Variants in ARHGAP26 observed in about 807,000 individuals in gnomAD.
The protein encoded by ARHGAP26 is Rho GTPase activating protein 26.
Under a neutral mutation model 104.8 loss-of-function variants are expected in ARHGAP26, and 38 were observed. The ratio of observed to expected loss-of-function variants is 0.36; its 90% CI spans 0.28 to 0.48. The LOEUF is 0.48. ARHGAP26 is among the 20% of genes least tolerant of loss of function. The pLI is 0.99. For missense variants in ARHGAP26, 704 were observed against 947.9 expected (o/e 0.74, Z 3.38); for synonymous variants, 341 against 340.0 (o/e 1.00, Z -0.03).
At chr5:143,155,321 G>A (rs1443465254) in intron 20 of ARHGAP26, among the ~76,000 whole-genome samples, 2 of 152,052 alleles carry the variant, frequency 1.3e-5, no homozygotes, top group Admixed American at 6.6e-5. Flanking sequence ...ACTAGGCCAC[G>A]TTTCCTTGAC....
At chr5:143,117,392 A>G (rs566610866) in intron 17 of ARHGAP26, among the ~76,000 whole-genome samples, 1 of 152,196 alleles carries the variant, frequency 6.6e-6, no homozygotes, top group Admixed American at 6.5e-5. Context: ...TCCGGGATAC[A>G]TAGAGATCTC....
chr5:143,194,507 T>C (rs958899950), intron 20 of ARHGAP26, among the ~76,000 whole-genome samples: 2 of 152,214 alleles, frequency 1.3e-5, no homozygotes, highest in African/African-American at 4.8e-5. Context: ...TGAAACCTTT[T>C]TGCACTATAA....
rs1456454903 is a variant in ARHGAP26 at position 143,227,994 on chromosome 5, T to C, written c.*5548T>C. On this transcript the variant is annotated 3_prime_UTR_variant, in exon 23 of 23. Transcript: ENST00000645722. ...GGCTTAGCATAGACCTAGACCCTTG[T>C]GTGGGTATGACATGACATGACATGT... The C allele has an allele frequency of 4.5e-6, 1 of 220,902 alleles. No individual in the cohort carries two copies. The highest frequency in any genetic ancestry group is 9.1e-6 in the Non-Finnish European group (1 of 110,390). The allele number at this position is 220,902 out of a possible 1,614,324, so 13.7% of individuals were successfully genotyped here.
chr5:142,771,372 A>G, intron 1 of ARHGAP26: 1 of 1,232,162 alleles, frequency 8.1e-7, no homozygotes, highest in Non-Finnish European at 1.0e-6. Flanking sequence ...CCCCTTGGGA[A>G]AAGGTGGGTT....
intron 1 of ARHGAP26, among the ~76,000 whole-genome samples, chr5:142,801,859 C>T (rs1261988993): frequency 5.3e-5 from 8 of 152,148 alleles, no homozygotes; most frequent in East Asian, 3.8e-4. Context: ...ACTTTAAATC[C>T]GTGCTGTTGA....
chr5:142,793,851 G>T (rs1473269307), intron 1 of ARHGAP26, among the ~76,000 whole-genome samples: 1 of 152,188 alleles, frequency 6.6e-6, no homozygotes, highest in Non-Finnish European at 1.5e-5. Flanking sequence ...ACCTCTCAGT[G>T]TTGGGATTAC....
intron 1 of ARHGAP26, among the ~76,000 whole-genome samples, chr5:142,817,407 G>A (rs1286983109): frequency 6.6e-6 from 1 of 152,190 alleles, no homozygotes; most frequent in African/African-American, 2.4e-5. Context: ...GGTAAGAGGA[G>A]GAAAAGTGAG....
At chr5:142,940,441 T>C (rs1376995574) in intron 11 of ARHGAP26, among the ~76,000 whole-genome samples, 1 of 152,186 alleles carries the variant, frequency 6.6e-6, no homozygotes, top group Non-Finnish European at 1.5e-5. Flanking sequence ...TAGTACCCAA[T>C]AATTACTTTT....
chr5:142,836,339 A>G (rs1284934767), intron 1 of ARHGAP26, among the ~76,000 whole-genome samples: 2 of 152,214 alleles, frequency 1.3e-5, no homozygotes. Context: ...TGAACCAGTC[A>G]TATAAATCAT....
At chr5:142,851,422 A>G (rs1369661641) in intron 1 of ARHGAP26, among the ~76,000 whole-genome samples, 1 of 152,224 alleles carries the variant, frequency 6.6e-6, no homozygotes, top group African/African-American at 2.4e-5. Flanking sequence ...GACATTAGCT[A>G]AGATAACATC....
At chr5:142,910,405 G>T (rs10051655) in intron 9 of ARHGAP26, among the ~76,000 whole-genome samples, 1 of 152,144 alleles carries the variant, frequency 6.6e-6, no homozygotes, top group Non-Finnish European at 1.5e-5. Flanking sequence ...TCTCGATTGT[G>T]TAGAGGAATC....
intron 1 of ARHGAP26, among the ~76,000 whole-genome samples, chr5:142,779,616 G>A (rs894199867): frequency 1.3e-5 from 2 of 152,202 alleles, no homozygotes; most frequent in Non-Finnish European, 2.9e-5. Flanking sequence ...GATACCGCTG[G>A]TAAGTTTCAA....
At chr5:143,082,249 C>A (rs140207306) in intron 17 of ARHGAP26, among the ~76,000 whole-genome samples, 2 of 152,048 alleles carry the variant, frequency 1.3e-5, no homozygotes, top group African/African-American at 4.8e-5. Flanking sequence ...AATTATGTCA[C>A]CCTGGAGGTG....
At chr5:142,918,576 T>C (rs1443004104) in intron 10 of ARHGAP26, among the ~76,000 whole-genome samples, 2 of 152,236 alleles carry the variant, frequency 1.3e-5, no homozygotes, top group Non-Finnish European at 2.9e-5. Context: ...CCCTTTTGTA[T>C]TGGCTTCTAC....
At chr5:142,798,282 T>G (rs1175344905) in intron 1 of ARHGAP26, among the ~76,000 whole-genome samples, 1 of 152,230 alleles carries the variant, frequency 6.6e-6, no homozygotes, top group Non-Finnish European at 1.5e-5. Flanking sequence ...TTCTGCTCCC[T>G]TTGATGCTCA....
At chr5:143,139,097 C>T (rs1232478941) in intron 19 of ARHGAP26, among the ~76,000 whole-genome samples, 3 of 152,184 alleles carry the variant, frequency 2.0e-5, no homozygotes, top group Non-Finnish European at 4.4e-5. Flanking sequence ...TTTCATTCAG[C>T]TGGGCATCTG....
rs35370819 is a variant in ARHGAP26 at position 143,092,555 on chromosome 5, C to CT, written c.1539-28424dup. On this transcript the variant is annotated intron_variant, in intron 17 of 22. Transcript: ENST00000645722. Reference sequence around the variant, plus strand: ...TTTACATAAATTCTCCCCCCCCCACCTTTTTTTTTCTCAAAAATGATAACC... The same window carrying CT: ...TTTACATAAATTCTCCCCCCCCCACCTTTTTTTTTTCTCAAAAATGATAACC... Among the ~76,000 whole-genome samples, 43 of 151,434 alleles carry CT rather than the reference C, an allele frequency of 2.8e-4. No individual in the cohort carries two copies. The East Asian group carries it at 5.4e-3, about 19-fold the overall frequency.
intron 20 of ARHGAP26, among the ~76,000 whole-genome samples, chr5:143,151,406 C>A (rs958720044): frequency 2.6e-5 from 4 of 152,166 alleles, no homozygotes; most frequent in African/African-American, 9.7e-5. Flanking sequence ...TACAATCCAG[C>A]AATCATGTTC....
chr5:143,020,632 C>CTTTT (rs11357774), intron 12 of ARHGAP26, among the ~76,000 whole-genome samples: 15 of 61,726 alleles, frequency 2.4e-4, no homozygotes, highest in African/African-American at 6.2e-4. Context: ...TGCTCTAGTG[C>CTTTT]TTTTTTTTTT....
Sources: gnomAD v4.1 joint callset for allele counts (sites outside exome capture counted in the v4.1 genomes callset) on GRCh38, gnomAD v4.1.1 for gene constraint, MANE v1.5 for transcripts, NCBI Gene and HGNC (gene_info 2026-07-23, HGNC 2026-07-21) for gene names.